FYN: variants seen among roughly 807,000 people sequenced by gnomAD.
FYN encodes the protein tyrosine-protein kinase Fyn.
FYN carries 10 observed loss-of-function variants against 70.2 expected under a neutral mutation model. The ratio of observed to expected loss-of-function variants is 0.14; its 90% CI spans 0.09 to 0.24. The LOEUF (loss-of-function observed/expected upper bound fraction) is 0.24. Ranked by LOEUF, FYN falls within the 10% of genes least tolerant of loss-of-function variation. The probability of loss-of-function intolerance (pLI) is 1.00; values close to 1 mark genes in which losing one functional copy is unlikely to be tolerated. For synonymous variants in FYN, 236 were observed against 248.6 expected, an observed-to-expected ratio of 0.95 and a Z score of 0.48; for missense variants, 319 against 673.1, an observed-to-expected ratio of 0.47 and a Z score of 5.82.
intron 2 of FYN, among the ~76,000 whole-genome samples, chr6:111,830,827 C>T (rs1772992854): frequency 3.9e-5 from 6 of 151,988 alleles, no homozygotes; most frequent in Admixed American, 3.3e-4. Context: ...CTGTTTCTGT[C>T]ACATTTAGAC....
chr6:111,805,331 T>C (rs1343683261), intron 2 of FYN, among the ~76,000 whole-genome samples: 9 of 152,216 alleles, frequency 5.9e-5, no homozygotes, highest in African/African-American at 2.2e-4. Flanking sequence ...CAATTCATGA[T>C]GTCTGGATAA....
At chr6:111,727,613 G>GGA (rs1295281188) in intron 3 of FYN, among the ~76,000 whole-genome samples, 1 of 152,098 alleles carries the variant, frequency 6.6e-6, no homozygotes, top group Non-Finnish European at 1.5e-5. Flanking sequence ...TGCAATCATG[G>GGA]GAGAACAGAG....
Position 111,765,379 on chromosome 6 carries a change from G to A in FYN, c.-12+15187C>T, listed in dbSNP as rs146131267. The stretch of plus-strand genomic sequence containing the variant: ...ATAGGAAGGGGAAGAGACAGCAGGG[G>A]AACTTGCAGAGAGAAAAAGGCCATG... On this transcript the variant is annotated intron_variant, in intron 3 of 13. Transcript: ENST00000354650. Among the ~76,000 whole-genome samples, 672 of 152,248 alleles carry A rather than the reference G, an allele frequency of 4.4e-3. 5 individuals carry two copies. The highest frequency in any genetic ancestry group is 0.017 in the Middle Eastern group (5 of 294).
chr6:111,713,403 G>C (rs145339368), intron 5 of FYN, among the ~76,000 whole-genome samples: 1 of 152,298 alleles, frequency 6.6e-6, no homozygotes, highest in East Asian at 1.9e-4. Flanking sequence ...TGCTCAGAGA[G>C]CAGAGGAGAA....
At chr6:111,711,666 T>C (rs1052868929) in intron 5 of FYN, among the ~76,000 whole-genome samples, 1 of 152,222 alleles carries the variant, frequency 6.6e-6, no homozygotes, top group Non-Finnish European at 1.5e-5. Context: ...GTGTGGCAGC[T>C]GCCCTGGCAG....
chr6:111,747,784 G>C (rs1802296057), intron 3 of FYN, among the ~76,000 whole-genome samples: 1 of 152,176 alleles, frequency 6.6e-6, no homozygotes, highest in Non-Finnish European at 1.5e-5. Flanking sequence ...TTTCGCACCA[G>C]ATATACCTAT....
At chr6:111,805,979 C>T (rs1772134615) in intron 2 of FYN, among the ~76,000 whole-genome samples, 1 of 152,152 alleles carries the variant, frequency 6.6e-6, no homozygotes, top group African/African-American at 2.4e-5. Context: ...GAGCCCACAA[C>T]AGCTCTTGAG....
chr6:111,664,836 C>T (rs1349319128), intron 13 of FYN, among the ~76,000 whole-genome samples: 1 of 152,176 alleles, frequency 6.6e-6, no homozygotes, highest in East Asian at 1.9e-4. Flanking sequence ...GGAAACATAC[C>T]AATGAGGGCT....
At chr6:111,707,424 T>C (rs114880452) in intron 6 of FYN, among the ~76,000 whole-genome samples, 1,699 of 152,288 alleles carry the variant, frequency 0.011, 24 homozygotes, top group African/African-American at 0.037. Flanking sequence ...ATTTCCCAAG[T>C]TGGGGGGACA....
chr6:111,861,947 T>C (rs372928456), intron 1 of FYN, among the ~76,000 whole-genome samples: 10 of 152,368 alleles, frequency 6.6e-5, no homozygotes, highest in African/African-American at 2.4e-4. Flanking sequence ...AAGGAGATTC[T>C]ACTACAAAGT....
chr6:111,812,372 G>T (rs751095360), intron 2 of FYN, among the ~76,000 whole-genome samples: 3 of 152,204 alleles, frequency 2.0e-5, no homozygotes, highest in Non-Finnish European at 4.4e-5. Flanking sequence ...CTCCCAGGGA[G>T]TGGGTTTAAG....
chr6:111,687,601 G>GTGT (rs1799068555), intron 12 of FYN, among the ~76,000 whole-genome samples: 2 of 147,066 alleles, frequency 1.4e-5, no homozygotes, highest in South Asian at 4.3e-4. Context: ...AAGTGGGGTG[G>GTGT]GTGGGTGTGT....
At chr6:111,818,085 A>T (rs1337600939) in intron 2 of FYN, among the ~76,000 whole-genome samples, 1 of 152,254 alleles carries the variant, frequency 6.6e-6, no homozygotes, top group African/African-American at 2.4e-5. Flanking sequence ...TGTGAATTCC[A>T]GAAATCTGCT....
At chr6:111,759,715 A>C (rs2128493166) in intron 3 of FYN, 1 of 152,336 alleles carries the variant, frequency 6.6e-6, no homozygotes, top group Non-Finnish European at 1.5e-5. Context: ...ACTGTTATGT[A>C]AACTCACTGT....
intron 6 of FYN, among the ~76,000 whole-genome samples, chr6:111,705,665 A>G (rs1437242515): frequency 6.6e-6 from 1 of 152,154 alleles, no homozygotes; most frequent in Non-Finnish European, 1.5e-5. Context: ...CCTGGCCAAC[A>G]TGGTGAAATC....
intron 1 of FYN, among the ~76,000 whole-genome samples, chr6:111,851,962 G>A (rs140468955): frequency 8.0e-4 from 121 of 151,420 alleles, no homozygotes; most frequent in African/African-American, 2.9e-3. Flanking sequence ...AAAAGTGTTA[G>A]TTTACATTTT....
At chr6:111,717,584 C>T (rs999221448) in intron 4 of FYN, among the ~76,000 whole-genome samples, 1 of 152,150 alleles carries the variant, frequency 6.6e-6, no homozygotes, top group African/African-American at 2.4e-5. Flanking sequence ...GCCTCAGCCT[C>T]CCGAGTAGCT....
intron 12 of FYN, among the ~76,000 whole-genome samples, chr6:111,681,231 T>C (rs1295454782): frequency 6.6e-6 from 1 of 152,186 alleles, no homozygotes; most frequent in Admixed American, 6.5e-5. Context: ...TTTCACCATA[T>C]TGGTCAGGCT....
chr6:111,844,072 A>G (rs558290659), intron 2 of FYN, among the ~76,000 whole-genome samples: 1 of 152,370 alleles, frequency 6.6e-6, no homozygotes, highest in East Asian at 1.9e-4. Context: ...TAGAATCCTT[A>G]CTATAACTAC....
Sources: gnomAD v4.1 joint callset for allele counts (sites outside exome capture counted in the v4.1 genomes callset) on GRCh38, gnomAD v4.1.1 for gene constraint, MANE v1.5 for transcripts, NCBI Gene and HGNC (gene_info 2026-07-23, HGNC 2026-07-21) for gene names.